The following KIAA1549L variants were observed in gnomAD, a reference collection of about 807,000 sequenced individuals.
The protein encoded by KIAA1549L is UPF0606 protein KIAA1549L.
In KIAA1549L, 88 loss-of-function variants were observed where a neutral mutation model predicts 160.7. The observed-to-expected ratio is 0.55, with a 90% CI of 0.46 to 0.65. KIAA1549L has a LOEUF of 0.65. Ranked by LOEUF, KIAA1549L falls within the 30% of genes least tolerant of loss-of-function variation. The pLI is 0.00. For synonymous variants in KIAA1549L, 950 were observed against 976.7 expected, an observed-to-expected ratio of 0.97 and a Z score of 0.51; for missense variants, 2,258 against 2,437.5, an observed-to-expected ratio of 0.93 and a Z score of 1.55.
intron 1 of KIAA1549L, among the ~76,000 whole-genome samples, chr11:33,413,308 A>G (rs1262758607): frequency 1.3e-5 from 2 of 149,636 alleles, no homozygotes; most frequent in East Asian, 2.0e-4. Context: ...GCGTGGTGGC[A>G]TGTACCTACA....
intron 15 of KIAA1549L, among the ~76,000 whole-genome samples, chr11:33,616,365 C>T (rs1169435440): frequency 1.3e-5 from 2 of 152,188 alleles, no homozygotes; most frequent in Non-Finnish European, 2.9e-5. Flanking sequence ...AGCCCTGAGA[C>T]TCAGTCCCAC....
chr11:33,546,760 T>C (rs1445190820), intron 3 of KIAA1549L, among the ~76,000 whole-genome samples: 1 of 152,192 alleles, frequency 6.6e-6, no homozygotes, highest in Non-Finnish European at 1.5e-5. Context: ...AGACCCCCAG[T>C]AGATGCCTGA....
At position 33,614,551 on chromosome 11, in the gene KIAA1549L, TA is replaced by T. The variant is rs1850738343; in HGVS notation, c.5280-3981del. ...AACAAGATATATATATATATATATA[TA>T]TATATATATATATATATATATATAT... On this transcript the variant is annotated intron_variant, in intron 15 of 20. Coordinates refer to ENST00000658780, the MANE Select transcript of KIAA1549L (RefSeq NM_012194.3). Among the ~76,000 whole-genome samples, 63 of 13,704 alleles carry T rather than the reference TA, an allele frequency of 4.6e-3. 5 individuals are homozygous for T. The highest frequency in any genetic ancestry group is 0.016 in the African/African-American group (47 of 2,928). 9.0% of individuals were successfully genotyped at this position (13,704 alleles called of 152,430 possible). A position where few individuals can be genotyped will look rare whatever the true frequency, so the allele number is the denominator to read the frequency against.
At chr11:33,556,614 A>G (rs570030011) in intron 6 of KIAA1549L, among the ~76,000 whole-genome samples, 2 of 152,216 alleles carry the variant, frequency 1.3e-5, no homozygotes, top group Admixed American at 6.5e-5. Flanking sequence ...GACAAATACT[A>G]TATGATTTCT....
intron 1 of KIAA1549L, among the ~76,000 whole-genome samples, chr11:33,399,922 C>T (rs1850464374): frequency 6.6e-6 from 1 of 152,194 alleles, no homozygotes; most frequent in African/African-American, 2.4e-5. Flanking sequence ...AGCTTTTTAG[C>T]TAACGGTGTT....
At chr11:33,617,498 G>A (rs955413731) in intron 15 of KIAA1549L, among the ~76,000 whole-genome samples, 1 of 152,164 alleles carries the variant, frequency 6.6e-6, no homozygotes, top group Non-Finnish European at 1.5e-5. Context: ...AATGCTCTGT[G>A]CCCAGATCAA....
At chr11:33,581,089 CAGA>C (rs2133262802) in intron 10 of KIAA1549L, among the ~76,000 whole-genome samples, 1 of 152,230 alleles carries the variant, frequency 6.6e-6, no homozygotes, top group Non-Finnish European at 1.5e-5. Context: ...GTCAGAGGCA[CAGA>C]AGAGCGGCCA....
rs755483879 is a variant in KIAA1549L, at chr11:33,543,920, C to T, written c.2357C>T (p.Pro786Leu). 1.6e-5 allele frequency: 26 copies of T among 1,613,992 alleles called. No homozygotes were observed. In the South Asian group the frequency reaches 2.9e-4, roughly 18 times the overall value. The change falls in exon 2 of 21, where the codon CCT becomes CTT. Residue 786 changes from proline (P) to leucine (L), a missense_variant. By Grantham distance (98) the Pro-to-Leu change is moderately conservative. Coordinates refer to ENST00000658780, the MANE Select transcript of KIAA1549L (RefSeq NM_012194.3). ...DLVLGTSIEQ[P>L]VQQSDMTMVG... ...GTCCTCGGTACAAGCATTGAGCAGCCTGTGCAACAGTCAGACATGACCATG... is the reference window on the plus strand; with the variant it reads ...GTCCTCGGTACAAGCATTGAGCAGCTTGTGCAACAGTCAGACATGACCATG...
chr11:33,645,382 G>GT (rs776832042), intron 16 of KIAA1549L, among the ~76,000 whole-genome samples: 2 of 152,104 alleles, frequency 1.3e-5, no homozygotes, highest in Admixed American at 6.5e-5. Context: ...ATTTTAGAAA[G>GT]TACCGTTAAT....
At chr11:33,397,436 C>G (rs1221976281) in intron 1 of KIAA1549L, among the ~76,000 whole-genome samples, 1 of 151,106 alleles carries the variant, frequency 6.6e-6, no homozygotes, top group Non-Finnish European at 1.5e-5. Flanking sequence ...TTAGGCTGGG[C>G]GCGGTGGCTC....
In KIAA1549L at chr11:33,545,225, A is replaced by G. The variant is rs1854205503; in HGVS notation, c.3232A>G (p.Ile1078Val). The G allele has an allele frequency of 1.9e-6, 3 of 1,614,012 alleles. No homozygotes were observed. The highest frequency in any genetic ancestry group is 2.5e-6 in the Non-Finnish European group (3 of 1,179,874). Reference sequence around the variant, plus strand: ...GACAGTCACGGCCGCGCTGACATCCATTACAGCCTCAGTGAAGGCCACCCG... The same window carrying G: ...GACAGTCACGGCCGCGCTGACATCCGTTACAGCCTCAGTGAAGGCCACCCG... ...PLTVTAALTS[I>V]TASVKATRLP... The change falls in exon 3 of 21, where the codon ATT becomes GTT. Residue 1078 changes from isoleucine (I) to valine (V), a missense_variant. Around this residue, in one of 6 missense-constraint regions of KIAA1549L, gnomAD observed 1,359 missense variants for 1,546.6 expected, o/e 0.88. Coordinates refer to ENST00000658780, the MANE Select transcript of KIAA1549L (RefSeq NM_012194.3).
chr11:33,433,030 A>T (rs1359915223), intron 1 of KIAA1549L, among the ~76,000 whole-genome samples: 6 of 152,256 alleles, frequency 3.9e-5, no homozygotes, highest in Admixed American at 3.3e-4. Flanking sequence ...ATGGGCAAAG[A>T]CTTCATGACA....
At chr11:33,548,260 G>T (rs996021468) in intron 4 of KIAA1549L, among the ~76,000 whole-genome samples, 4 of 152,158 alleles carry the variant, frequency 2.6e-5, no homozygotes, top group African/African-American at 9.6e-5. Flanking sequence ...TTAGCTGGGC[G>T]TGGTGGCAGG....
chr11:33,511,061 C>T (rs189654942), intron 1 of KIAA1549L, among the ~76,000 whole-genome samples: 5 of 152,338 alleles, frequency 3.3e-5, no homozygotes, highest in Non-Finnish European at 5.9e-5. Flanking sequence ...ATTAGTTTTC[C>T]ATGGCGTCAG....
At chr11:33,449,024 A>G (rs1426336242) in intron 1 of KIAA1549L, among the ~76,000 whole-genome samples, 1 of 152,204 alleles carries the variant, frequency 6.6e-6, no homozygotes, top group Non-Finnish European at 1.5e-5. Context: ...GGGGCAATGA[A>G]CTTTTGTTTC....
chr11:33,424,444 T>C (rs1384021358), intron 1 of KIAA1549L, among the ~76,000 whole-genome samples: 8 of 152,190 alleles, frequency 5.3e-5, no homozygotes, highest in Non-Finnish European at 4.4e-5. Context: ...TCCTTCTGCC[T>C]GTTTTTGTTT....
chr11:33,652,296 G>A (rs1851918848), intron 17 of KIAA1549L, among the ~76,000 whole-genome samples: 1 of 152,106 alleles, frequency 6.6e-6, no homozygotes, highest in African/African-American at 2.4e-5. Context: ...AACATGCACA[G>A]GAGTGGGTAG....
intron 1 of KIAA1549L, among the ~76,000 whole-genome samples, chr11:33,416,278 A>T (rs531083957): frequency 6.6e-6 from 1 of 152,052 alleles, no homozygotes; most frequent in Non-Finnish European, 1.5e-5. Flanking sequence ...TTGGTTTCAG[A>T]CCTTCCTCAG....
intron 16 of KIAA1549L, among the ~76,000 whole-genome samples, chr11:33,626,002 T>C (rs1290133116): frequency 1.3e-5 from 2 of 150,440 alleles, no homozygotes; most frequent in African/African-American, 5.0e-5. Context: ...CCCAGCACCA[T>C]TTATTAAATA....
Sources: gnomAD v4.1 joint callset for allele counts (sites outside exome capture counted in the v4.1 genomes callset) on GRCh38, gnomAD v4.1.1 for gene constraint, gnomAD v4.1.1 regional missense constraint, MANE v1.5 for transcripts, NCBI Gene and HGNC (gene_info 2026-07-23, HGNC 2026-07-21) for gene names.